Variants in SLC4A2 observed in about 807,000 individuals in gnomAD.
SLC4A2 encodes anion exchange protein 2.
SLC4A2 carries 36 observed loss-of-function variants against 115.0 expected under a neutral mutation model. The ratio of observed to expected loss-of-function variants is 0.31; its 90% CI spans 0.24 to 0.41. The LOEUF is 0.41. Ranked by LOEUF, SLC4A2 falls within the 10% of genes least tolerant of loss-of-function variation. The pLI is 1.00. For missense variants in SLC4A2, 1,252 were observed against 1,705.6 expected (o/e 0.73, Z 4.68); for synonymous variants, 708 against 708.3 (o/e 1.00, Z 0.01).
chr7:151,068,569 G>T (rs1273061899), intron 8 of SLC4A2, among the ~76,000 whole-genome samples: 1 of 152,070 alleles, frequency 6.6e-6, no homozygotes, highest in Non-Finnish European at 1.5e-5. Flanking sequence ...GCCCAGGCTG[G>T]AGTACAGTGG....
rs1312445177 is a variant in SLC4A2 at position 151,060,708 on chromosome 7, A to G, written c.-64+946A>G. ...CCCACACCCTTCCCAGACTGGGTGC[A>G]CTCACGCTCACCCACACCACCCGCC... On this transcript the variant is annotated intron_variant, in intron 1 of 22. Transcript: ENST00000413384. The surrounding 1 kb of genome is among the most constrained non-coding windows in gnomAD (Gnocchi z 5.9). 6.6e-6 allele frequency among the ~76,000 whole-genome samples: 1 copy of G among 152,128 alleles called. No individual in the cohort carries two copies. The highest frequency in any genetic ancestry group is 3.4e-3 in the Middle Eastern group (1 of 294).
intron 7 of SLC4A2, 101 bp downstream of exon 7, chr7:151,067,094 G>A: frequency 7.9e-7 from 1 of 1,269,670 alleles, no homozygotes; most frequent in Middle Eastern, 2.0e-4. Context: ...TGCCACTGTT[G>A]TTTTGTTGTT....
intron 21 of SLC4A2, 76 bp from the exon 22 acceptor site, chr7:151,075,937 G>C: frequency 1.3e-6 from 2 of 1,492,958 alleles, no homozygotes; most frequent in East Asian, 2.3e-5. Context: ...TTCCATCCCC[G>C]CCTCCGAAGA....
intron 22 of SLC4A2, 44 bp downstream of exon 22, chr7:151,076,230 G>T: frequency 1.9e-6 from 3 of 1,604,620 alleles, no homozygotes; most frequent in Middle Eastern, 1.7e-4. Flanking sequence ...TTGCCTCCCT[G>T]TGGATCTGGA....
At chr7:151,063,173 C>G (rs539668420) in intron 2 of SLC4A2, 1 of 1,484,682 alleles carries the variant, frequency 6.7e-7, no homozygotes, top group South Asian at 1.3e-5. Flanking sequence ...CTGCTCCGCG[C>G]CCGCAGGATG....
chr7:151,064,868 C>G lies in SLC4A2; in HGVS notation c.480C>G (p.Asp160Glu), dbSNP rs745856131. 1.9e-6 allele frequency: 3 copies of G among 1,613,990 alleles called. No individual in the cohort carries two copies. The South Asian group carries it at 3.3e-5, about 18-fold the overall frequency. ...SSVQFFLQED[D>E]SADRKAERTS... ...TACAGTTCTTTCTCCAAGAGGATGACAGTGCTGACCGGAAGGCAGAGAGGA... is the reference window on the plus strand; with the variant it reads ...TACAGTTCTTTCTCCAAGAGGATGAGAGTGCTGACCGGAAGGCAGAGAGGA... The change falls in exon 5 of 23, where the codon GAC (aspartate) becomes GAG (glutamate). Residue 160 changes from aspartate to glutamate, a missense_variant. By Grantham distance (45) the Asp-to-Glu change is conservative (BLOSUM62 2). Coordinates refer to ENST00000413384, the MANE Select transcript of SLC4A2 (RefSeq NM_003040.4).
intron 1 of SLC4A2, 94 bp from the exon 2 acceptor site, chr7:151,061,831 A>G (rs1395424032): frequency 3.1e-6 from 2 of 641,224 alleles, no homozygotes; most frequent in Non-Finnish European, 2.8e-6. Context: ...GAGGCCCTTC[A>G]TACTCCAGGA....
Position 151,076,138 on chromosome 7 carries a change from C to T in SLC4A2, c.3597C>T (p.Leu1199=). The stretch of plus-strand genomic sequence containing the variant: ...TCATCCTCATCCTCACAGTGCCGCT[C>T]CGCATGGTGGTGCTCACCCGTATCT... ...FPFILILTVP[L]RMVVLTRIFT... is the part of the protein sequence containing the mutation. Residue 1199 remains leucine, a synonymous_variant, in exon 22 of 23, where the codon CTC becomes CTT. Coordinates refer to ENST00000413384, the MANE Select transcript of SLC4A2 (RefSeq NM_003040.4). 1 of 1,610,694 alleles carries T rather than the reference C, an allele frequency of 6.2e-7. No individual in the cohort carries two copies. The highest frequency in any genetic ancestry group is 8.5e-7 in the Non-Finnish European group (1 of 1,179,990).
At position 151,070,376 on chromosome 7, in the gene SLC4A2, GGCGGCAGGGC is replaced by G. The variant is rs774206791; in HGVS notation, c.1449+31_1449+40del. On this transcript the variant is annotated intron_variant, in intron 10 of 22. Coordinates refer to ENST00000413384, the MANE Select transcript of SLC4A2 (RefSeq NM_003040.4). ...GGGGAGAACCAGCCCTGCCTGGGCT[GGCGGCAGGGC>G]TGAGGAAGCCTGGGTGTGGACTCAG... 24 of 1,609,140 alleles carry G rather than the reference GGCGGCAGGGC, an allele frequency of 1.5e-5. No homozygotes were observed. The South Asian group carries it at 2.5e-4, about 17-fold the overall frequency.
intron 5 of SLC4A2, 116 bp from the exon 6 acceptor site, chr7:151,066,398 GGGA>G: frequency 8.1e-7 from 1 of 1,234,876 alleles, no homozygotes; most frequent in East Asian, 2.6e-5. Flanking sequence ...TCCCGGGAGT[GGGA>G]GCTAGGAGGG....
chr7:151,071,843 G>A lies in SLC4A2; in HGVS notation c.2340+6G>A. On this transcript the variant is annotated splice_donor_region_variant and intron_variant, in intron 15 of 22. Coordinates refer to ENST00000413384, the MANE Select transcript of SLC4A2 (RefSeq NM_003040.4). The surrounding 1 kb of genome is among the most constrained non-coding windows in gnomAD (Gnocchi z 5.5). ...TTGAGGAGGCCTTCTTCTCGGTGAG[G>A]GCTCTTCTCGCCCATCTCCAGCCGC... 2 of 1,600,980 alleles carry A rather than the reference G, an allele frequency of 1.2e-6. No individual in the cohort carries two copies. The highest frequency in any genetic ancestry group is 1.7e-6 in the Non-Finnish European group (2 of 1,174,678).
chr7:151,064,960 A>G lies in SLC4A2; in HGVS notation c.572A>G (p.Gln191Arg), dbSNP rs1797183072. 3 of 1,604,028 alleles carry G rather than the reference A, an allele frequency of 1.9e-6. No individual in the cohort carries two copies. The highest frequency in any genetic ancestry group is 2.6e-6 in the Non-Finnish European group (3 of 1,171,114). ...ACTCCTCGGGCCTCCAAAGGGGCCCAGGCTGGGTAAGTACACCCCAATCAA... is the reference window on the plus strand; with the variant it reads ...ACTCCTCGGGCCTCCAAAGGGGCCCGGGCTGGGTAAGTACACCCCAATCAA... ...EATPRASKGA[Q>R]AGTQVEEAEA... is the part of the protein sequence containing the mutation. Residue 191 changes from glutamine to arginine, a missense_variant, in exon 5 of 23, where the codon CAG (glutamine) becomes CGG (arginine). By Grantham distance (43) the Gln-to-Arg change is conservative. This residue lies in a region of SLC4A2 where 215 missense variants were observed against 205.2 expected (regional missense o/e 1.05). Transcript: ENST00000413384.
intron 2 of SLC4A2, chr7:151,062,455 C>G (rs1429449138): frequency 8.4e-7 from 1 of 1,188,192 alleles, no homozygotes; most frequent in Non-Finnish European, 1.1e-6. Context: ...AGGCCCGCCC[C>G]TCCCTGCCCC....
In SLC4A2 at chr7:151,074,164, G is replaced by A. The variant is rs746190488; in HGVS notation, c.2661G>A (p.Gly887=). The A allele has an allele frequency of 1.9e-6, 3 of 1,612,806 alleles. No homozygotes were observed. The highest frequency in any genetic ancestry group is 2.2e-5 in the South Asian group (2 of 91,050). The change falls in exon 17 of 23, where the codon GGG becomes GGA. Residue 887 remains glycine, a synonymous_variant. Coordinates refer to ENST00000413384, the MANE Select transcript of SLC4A2 (RefSeq NM_003040.4). ...TLGPGNRSLA[G]QSGQGKPRGQ... ...GGCCGGGCAACAGGAGCTTGGCTGG[G>A]CAGTCTGGGCAGGGGAAGCCCCGGG...
rs770458852 is a variant in SLC4A2, at chr7:151,075,780, G to GC, written c.3471+11dup. ...GATGTCACTTACGTCAAGAAGGTGAGCCCCCCAGCTCCCCACCGGAAGGGG... is the reference window on the plus strand; with the variant it reads ...GATGTCACTTACGTCAAGAAGGTGAGCCCCCCCAGCTCCCCACCGGAAGGGG... On this transcript the variant is annotated splice_donor_region_variant and intron_variant, in intron 21 of 22. Transcript: ENST00000413384. The GC allele has an allele frequency of 4.9e-5, 78 of 1,600,200 alleles. No individual in the cohort carries two copies. The highest frequency in any genetic ancestry group is 6.4e-5 in the Non-Finnish European group (75 of 1,169,490).
rs1472794810 is a variant in SLC4A2 at position 151,060,384 on chromosome 7, C to G, written c.-64+622C>G. 6.6e-6 allele frequency among the ~76,000 whole-genome samples: 1 copy of G among 152,212 alleles called. No homozygotes were observed. The highest frequency in any genetic ancestry group is 1.5e-5 in the Non-Finnish European group (1 of 68,034). On this transcript the variant is annotated intron_variant, in intron 1 of 22. Coordinates refer to ENST00000413384, the MANE Select transcript of SLC4A2 (RefSeq NM_003040.4). The surrounding 1 kb of genome is among the most constrained non-coding windows in gnomAD (Gnocchi z 5.9). ...ACTTTATCCCCCTTCGTTTCCCCCG[C>G]CAGCCCCACATGGAAGAGCTGCGGA...
intron 18 of SLC4A2, 51 bp from the exon 19 acceptor site, chr7:151,074,624 G>T (rs1311118383): frequency 6.4e-7 from 1 of 1,572,830 alleles, no homozygotes; most frequent in Non-Finnish European, 8.7e-7. Context: ...TCCATGGCAT[G>T]CCCTCCACAT....
chr7:151,063,122 T>C, intron 2 of SLC4A2: 1 of 1,518,016 alleles, frequency 6.6e-7, no homozygotes, highest in Non-Finnish European at 8.8e-7. Context: ...GGCTGAGCTC[T>C]TACAAGCGCC....
In SLC4A2 at chr7:151,064,587, A is replaced by G; in HGVS notation, c.279A>G (p.Ala93=). 1.2e-6 allele frequency: 2 copies of G among 1,612,766 alleles called. No homozygotes were observed. Among genetic ancestry groups the G allele is most frequent in the South Asian group, 2.2e-5 (2 of 91,016 alleles). ...TGTCCACCCACCTGCCTCCGGATGC[A>G]CGCCGCCGCAAGACACCCCAGGGCC... ...HPLSTHLPPD[A]RRRKTPQGPG... is the part of the protein sequence containing the mutation. The change falls in exon 4 of 23, where the codon GCA becomes GCG. Residue 93 remains alanine, a synonymous_variant. Coordinates refer to ENST00000413384, the MANE Select transcript of SLC4A2 (RefSeq NM_003040.4).
Sources: allele counts gnomAD v4.1 joint callset (sites outside exome capture counted in the v4.1 genomes callset), GRCh38; gene constraint gnomAD v4.1.1; regional missense constraint gnomAD v4.1.1; non-coding constraint Gnocchi (gnomAD v3.1); transcripts MANE v1.5; gene names NCBI Gene and HGNC (gene_info 2026-07-23, HGNC 2026-07-21).